Variants in SH3GLB2 observed in about 807,000 individuals in gnomAD.
The protein encoded by SH3GLB2 is endophilin-B2.
Under a neutral mutation model 48.0 loss-of-function variants are expected in SH3GLB2, and 24 were observed. The ratio of observed to expected loss-of-function variants is 0.50; its 90% CI spans 0.36 to 0.70. The LOEUF is 0.70. Ranked by LOEUF, SH3GLB2 falls within the 30% of genes least tolerant of loss-of-function variation. SH3GLB2 has a pLI of 0.00. For synonymous variants in SH3GLB2, 227 were observed against 207.6 expected, an observed-to-expected ratio of 1.09 and a Z score of -0.80; for missense variants, 425 against 516.0, an observed-to-expected ratio of 0.82 and a Z score of 1.71.
chr9:129,015,237 C>G (rs1038828315), intron 3 of SH3GLB2, among the ~76,000 whole-genome samples: 2 of 152,188 alleles, frequency 1.3e-5, no homozygotes, highest in African/African-American at 4.8e-5. Flanking sequence ...TGGCTCACAC[C>G]TATAATCCTA....
Position 129,008,523 on chromosome 9 carries a change from G to A in SH3GLB2, c.*161C>T, listed in dbSNP as rs961743542. 3.2e-6 allele frequency: 2 copies of A among 615,728 alleles called. No individual in the cohort carries two copies. The highest frequency in any genetic ancestry group is 5.9e-6 in the Non-Finnish European group (2 of 340,208). The allele number at this position is 615,728 out of a possible 1,614,324, so 38.1% of individuals were successfully genotyped here. ...GCTGGGGGAGGGGTGGAGCCATTCA[G>A]CCTCAGGCACCCTCACAGCTAGGTG... On this transcript the variant is annotated 3_prime_UTR_variant, in exon 11 of 11. Transcript: ENST00000372564.
chr9:129,015,387 T>A (rs1285244625), intron 3 of SH3GLB2, among the ~76,000 whole-genome samples: 1 of 152,124 alleles, frequency 6.6e-6, no homozygotes, highest in African/African-American at 2.4e-5. Context: ...AACATCCATT[T>A]CTGGACTCTG....
intron 6 of SH3GLB2, 180 bp from the exon 7 acceptor site, chr9:129,010,873 G>A: frequency 1.5e-6 from 1 of 672,034 alleles, no homozygotes; most frequent in Non-Finnish European, 2.6e-6. Context: ...GGGGCTGGCG[G>A]TCCCAGTCCC....
At chr9:129,018,382 C>T (rs1024668658) in intron 3 of SH3GLB2, among the ~76,000 whole-genome samples, 6 of 151,516 alleles carry the variant, frequency 4.0e-5, no homozygotes, top group Non-Finnish European at 5.9e-5. Context: ...TCAAGACCAG[C>T]CTGGCCAACA....
At chr9:129,023,318 C>T (rs925669227) in intron 1 of SH3GLB2, among the ~76,000 whole-genome samples, 6 of 152,104 alleles carry the variant, frequency 3.9e-5, no homozygotes, top group Admixed American at 1.3e-4. Context: ...TGGCAGAAGC[C>T]GTGGGGGCTA....
At chr9:129,027,514 A>G (rs569842683) in intron 1 of SH3GLB2, among the ~76,000 whole-genome samples, 1 of 152,084 alleles carries the variant, frequency 6.6e-6, no homozygotes, top group Non-Finnish European at 1.5e-5. Flanking sequence ...TCCCAGCCAG[A>G]CCCCAGCCCT....
chr9:129,028,276 G>A lies in SH3GLB2; in HGVS notation c.-122C>T, dbSNP rs1377128788. 6.7e-6 allele frequency: 4 copies of A among 597,928 alleles called. No individual in the cohort carries two copies. The South Asian group carries it at 2.1e-4, about 31-fold the overall frequency. 37.0% of individuals were successfully genotyped at this position (597,928 alleles called of 1,614,324 possible). On this transcript the variant is annotated 5_prime_UTR_variant, in exon 1 of 11. Transcript: ENST00000372564. ...GCACCAGCCCTCCGCGCACCCGCCT[G>A]CCGGCCTGCCCGCCTGCCCGCCCGC... is the stretch of plus-strand genomic sequence containing the variant.
chr9:129,027,671 G>C (rs536550016), intron 1 of SH3GLB2, among the ~76,000 whole-genome samples: 1 of 152,358 alleles, frequency 6.6e-6, no homozygotes, highest in South Asian at 2.1e-4. Context: ...CACAGGTGCG[G>C]AGACTGAGGC....
In SH3GLB2 at chr9:129,009,828, G is replaced by A; in HGVS notation, c.782C>T (p.Thr261Ile). Residue 261 changes from threonine to isoleucine, a missense_variant, in exon 9 of 11, where the codon ACA (threonine) becomes ATA (isoleucine). Transcript: ENST00000372564. Reference sequence around the variant, plus strand: ...GCGGTAGCACTGTGCGTAGTAGGTTGTCTGAGACTTGACGAACTCGTGGAG... The same window carrying A: ...GCGGTAGCACTGTGCGTAGTAGGTTATCTGAGACTTGACGAACTCGTGGAG... ...RCLHEFVKSQ[T>I]TYYAQCYRHM... The A allele has an allele frequency of 6.2e-7, 1 of 1,614,038 alleles. No homozygotes were observed. Among genetic ancestry groups the A allele is most frequent in the Non-Finnish European group, 8.5e-7 (1 of 1,179,956 alleles).
At chr9:129,017,815 A>G (rs1291204957) in intron 3 of SH3GLB2, among the ~76,000 whole-genome samples, 1 of 151,264 alleles carries the variant, frequency 6.6e-6, no homozygotes, top group Non-Finnish European at 1.5e-5. Context: ...GGAGAATGGC[A>G]TGAACACGAG....
At chr9:129,026,306 C>T (rs1564587962) in intron 1 of SH3GLB2, among the ~76,000 whole-genome samples, 1 of 152,176 alleles carries the variant, frequency 6.6e-6, no homozygotes, top group Non-Finnish European at 1.5e-5. Context: ...GAACCCCTCT[C>T]CCATCCCTCC....
At chr9:129,009,633 C>T (rs1201242994) in intron 9 of SH3GLB2, 138 bp downstream of exon 9, 21 of 1,381,790 alleles carry the variant, frequency 1.5e-5, no homozygotes, top group Non-Finnish European at 1.9e-5. Flanking sequence ...ATGAGATGCC[C>T]GCACCCAGAG....
intron 8 of SH3GLB2, 111 bp downstream of exon 8, chr9:129,010,009 G>A: frequency 5.1e-6 from 7 of 1,379,718 alleles, no homozygotes; most frequent in Non-Finnish European, 7.2e-6. Context: ...CCTCCCCGGT[G>A]GGACTTGCTC....
chr9:129,023,915 G>A (rs1053176269), intron 1 of SH3GLB2, among the ~76,000 whole-genome samples: 1 of 152,002 alleles, frequency 6.6e-6, no homozygotes, highest in Middle Eastern at 3.4e-3. Context: ...ATTTCCTCGT[G>A]GCTCTATTAC....
chr9:129,021,669 C>T (rs1306433583), intron 2 of SH3GLB2, among the ~76,000 whole-genome samples: 2 of 151,514 alleles, frequency 1.3e-5, no homozygotes. Flanking sequence ...TTGAAAGTGA[C>T]CAGGTTGGGA....
chr9:129,020,506 C>T (rs750079033), intron 3 of SH3GLB2, among the ~76,000 whole-genome samples: 11 of 140,926 alleles, frequency 7.8e-5, no homozygotes, highest in East Asian at 2.2e-4. Context: ...GAGGCAGGGG[C>T]GTTGCAGTGA....
chr9:129,009,990 C>A, intron 8 of SH3GLB2, 119 bp from the exon 9 acceptor site: 1 of 1,350,000 alleles, frequency 7.4e-7, no homozygotes. Flanking sequence ...CCTGCCCCTG[C>A]GCCCACACCC....
intron 5 of SH3GLB2, 53 bp from the exon 6 acceptor site, chr9:129,012,351 G>A: frequency 8.4e-7 from 1 of 1,191,408 alleles, no homozygotes; most frequent in South Asian, 3.7e-5. Context: ...GCCAGGGCCA[G>A]GGTCGAGGTC....
intron 6 of SH3GLB2, 41 bp from the exon 7 acceptor site, chr9:129,010,734 G>A (rs1229052520): frequency 1.2e-6 from 2 of 1,613,154 alleles, no homozygotes; most frequent in Non-Finnish European, 1.7e-6. Context: ...GGGGAGGGGA[G>A]AGGAGGACAG....
Sources: gnomAD v4.1 joint callset for allele counts (sites outside exome capture counted in the v4.1 genomes callset) on GRCh38, gnomAD v4.1.1 for gene constraint, MANE v1.5 for transcripts, NCBI Gene and HGNC (gene_info 2026-07-23, HGNC 2026-07-21) for gene names.